SI: variants seen among roughly 807,000 people sequenced by gnomAD.
SI encodes sucrase-isomaltase, also known as sucrase-isomaltase, intestinal.
In SI, 235 loss-of-function variants were observed where a neutral mutation model predicts 253.3. The ratio of observed to expected loss-of-function variants is 0.93; its 90% CI spans 0.83 to 1.03. The LOEUF is 1.03. Among genes scored for constraint, SI ranks in the 50% least tolerant of loss-of-function variants. The probability of loss-of-function intolerance (pLI) is 0.00; values close to 1 mark genes in which losing one functional copy is unlikely to be tolerated. For missense variants in SI, 2,442 were observed against 2,211.1 expected, an observed-to-expected ratio of 1.10 and a Z score of -2.09; for synonymous variants, 819 against 712.0, an observed-to-expected ratio of 1.15 and a Z score of -2.39.
intron 25 of SI, among the ~76,000 whole-genome samples, chr3:165,027,740 C>T (rs1332428279): frequency 1.3e-5 from 2 of 150,264 alleles, no homozygotes; most frequent in Non-Finnish European, 3.0e-5. Context: ...CACAGAAAAA[C>T]ATTTTAAACA....
chr3:165,033,816 A>G (rs958211344), intron 22 of SI, among the ~76,000 whole-genome samples: 1 of 151,540 alleles, frequency 6.6e-6, no homozygotes, highest in Admixed American at 6.6e-5. Flanking sequence ...TTAGGAAGAC[A>G]TGGCATATTA....
intron 7 of SI, 122 bp from the exon 8 acceptor site, chr3:165,063,663 C>A: frequency 3.6e-6 from 2 of 550,004 alleles, no homozygotes; most frequent in East Asian, 3.3e-5. Context: ...TGTTTCTACA[C>A]AAATTGTCTT....
chr3:165,085,150 T>C, the SI span, among the ~76,000 whole-genome samples: 1 of 152,144 alleles, frequency 6.6e-6, no homozygotes, highest in Non-Finnish European at 1.5e-5. Flanking sequence ...ATTCTAATTC[T>C]ATGAAGGTTT....
chr3:165,045,443 A>T (rs1053509478), intron 16 of SI, among the ~76,000 whole-genome samples: 2 of 152,056 alleles, frequency 1.3e-5, no homozygotes, highest in Non-Finnish European at 2.9e-5. Flanking sequence ...ACTAAAATAC[A>T]TTTGAATATT....
chr3:165,060,522 T>C (rs1713933143), intron 9 of SI, among the ~76,000 whole-genome samples: 1 of 151,858 alleles, frequency 6.6e-6, no homozygotes, highest in Admixed American at 6.6e-5. Context: ...AAATATATGT[T>C]CTGCAATGCT....
chr3:165,060,394 C>T (rs530974216), intron 9 of SI, among the ~76,000 whole-genome samples: 5 of 152,078 alleles, frequency 3.3e-5, no homozygotes, highest in Admixed American at 1.3e-4. Flanking sequence ...CACCACACTC[C>T]TATTTTCTAT....
At chr3:165,052,075 C>T (rs756744162) in intron 13 of SI, among the ~76,000 whole-genome samples, 28 of 151,846 alleles carry the variant, frequency 1.8e-4, no homozygotes, top group Non-Finnish European at 3.8e-4. Flanking sequence ...TAGTAACCTT[C>T]CTTAAATATG....
chr3:164,989,433 A>AAAGAAAGAAAG (rs1553768937), intron 44 of SI, among the ~76,000 whole-genome samples: 1 of 132,786 alleles, frequency 7.5e-6, no homozygotes, highest in Admixed American at 7.1e-5. Flanking sequence ...AGAAAGAAAG[A>AAAGAAAGAAAG]AAGGAAAGAA....
chr3:165,082,594 T>C (rs1376093878), upstream of SI, among the ~76,000 whole-genome samples: 1 of 152,012 alleles, frequency 6.6e-6, no homozygotes, highest in Non-Finnish European at 1.5e-5. Context: ...ATGCTTGTAG[T>C]ATAGTGCTGT....
chr3:165,061,718 A>G (rs376056759), intron 9 of SI, among the ~76,000 whole-genome samples: 1 of 152,036 alleles, frequency 6.6e-6, no homozygotes, highest in East Asian at 1.9e-4. Context: ...AAAGAGAGAA[A>G]TTACATGAAA....
intron 3 of SI, 156 bp downstream of exon 3, chr3:165,074,375 A>T: frequency 2.4e-6 from 1 of 420,448 alleles, no homozygotes; most frequent in Non-Finnish European, 4.1e-6. Context: ...AACTTCTATT[A>T]TCTATCATTT....
intron 13 of SI, among the ~76,000 whole-genome samples, chr3:165,053,547 A>T (rs2108239353): frequency 6.6e-6 from 1 of 152,272 alleles, no homozygotes; most frequent in East Asian, 1.9e-4. Context: ...CTGATCTTTG[A>T]AATTATACTG....
intron 16 of SI, among the ~76,000 whole-genome samples, 166 bp downstream of exon 16, chr3:165,046,675 T>C (rs1576907378): frequency 6.6e-6 from 1 of 152,138 alleles, no homozygotes; most frequent in Non-Finnish European, 1.5e-5. Flanking sequence ...TTGGAAATTA[T>C]AGATACCATC....
rs759156054 is a variant in SI, at chr3:165,049,774, A to G, written c.1597+17T>C. 7.1e-6 allele frequency: 10 copies of G among 1,400,764 alleles called. No individual in the cohort carries two copies. The highest frequency in any genetic ancestry group is 1.0e-5 in the Non-Finnish European group (10 of 987,790). The allele number at this position is 1,400,764 out of a possible 1,614,324, so 86.8% of individuals were successfully genotyped here. A position where few individuals can be genotyped will look rare whatever the true frequency, so the allele number is the denominator to read the frequency against. ...TTCTCAATTAAAACAGTAATTAGAT[A>G]ACCAAATAAATTTTACCAGGAGTAA... On this transcript the variant is annotated intron_variant, in intron 14 of 47. Transcript: ENST00000264382.
At chr3:165,042,561 T>G (rs753139328) in intron 17 of SI, among the ~76,000 whole-genome samples, 1 of 152,096 alleles carries the variant, frequency 6.6e-6, no homozygotes, top group Non-Finnish European at 1.5e-5. Context: ...AAAGTGTTAG[T>G]TTTGTTTTTG....
At chr3:164,996,855 TTC>T (rs1182944859) in intron 38 of SI, 83 bp from the exon 39 acceptor site, 6 of 717,738 alleles carry the variant, frequency 8.4e-6, no homozygotes, top group East Asian at 3.2e-5. Flanking sequence ...TATGATGATG[TTC>T]TGTTTTTAAT....
chr3:165,014,091 CA>C (rs1718905784), intron 33 of SI, among the ~76,000 whole-genome samples: 1 of 152,160 alleles, frequency 6.6e-6, no homozygotes, highest in Admixed American at 6.6e-5. Flanking sequence ...GTGAACTTAT[CA>C]AAACCAGGAA....
At chr3:165,019,821 G>C in intron 27 of SI, 51 bp from the exon 28 acceptor site, 1 of 1,447,788 alleles carries the variant, frequency 6.9e-7, no homozygotes, top group African/African-American at 1.4e-5. Flanking sequence ...ATGCAAAGTA[G>C]TATCACAAAT....
At chr3:165,054,629 A>G (rs1261321764) in intron 13 of SI, among the ~76,000 whole-genome samples, 1 of 152,178 alleles carries the variant, frequency 6.6e-6, no homozygotes, top group African/African-American at 2.4e-5. Flanking sequence ...TGCTGGGATT[A>G]CATGCATGAG....
Sources: gnomAD v4.1 joint callset for allele counts (sites outside exome capture counted in the v4.1 genomes callset) on GRCh38, gnomAD v4.1.1 for gene constraint, MANE v1.5 for transcripts, NCBI Gene and HGNC (gene_info 2026-07-23, HGNC 2026-07-21) for gene names.